The following HERC4 variants were observed in gnomAD, a reference collection of about 807,000 sequenced individuals.
HERC4 encodes probable E3 ubiquitin-protein ligase HERC4.
Under a neutral mutation model 124.3 loss-of-function variants are expected in HERC4, and 28 were observed. The observed-to-expected ratio is 0.23, with a 90% CI of 0.17 to 0.31. HERC4 has a LOEUF of 0.31. HERC4 is among the 10% of genes least tolerant of loss of function. The probability of loss-of-function intolerance (pLI) is 1.00; values close to 1 mark genes in which losing one functional copy is unlikely to be tolerated. For synonymous variants in HERC4, 407 were observed against 421.5 expected (o/e 0.97, Z 0.42); for missense variants, 713 against 1,229.3 (o/e 0.58, Z 6.28).
chr10:67,928,836 G>T (rs1342652250), intron 23 of HERC4, among the ~76,000 whole-genome samples: 2 of 151,974 alleles, frequency 1.3e-5, no homozygotes, highest in African/African-American at 4.8e-5. Flanking sequence ...CAGAAGAATC[G>T]CTTGAACTTG....
intron 15 of HERC4, among the ~76,000 whole-genome samples, chr10:67,980,181 G>T (rs970396907): frequency 6.6e-6 from 1 of 151,974 alleles, no homozygotes; most frequent in Non-Finnish European, 1.5e-5. Flanking sequence ...GCGCGATCTC[G>T]GCTCACCACA....
At chr10:67,979,802 C>G (rs951999350) in intron 15 of HERC4, among the ~76,000 whole-genome samples, 1 of 151,822 alleles carries the variant, frequency 6.6e-6, no homozygotes, top group African/African-American at 2.4e-5. Context: ...CCGGGTGTGG[C>G]GGCGGGCACC....
intron 9 of HERC4, among the ~76,000 whole-genome samples, chr10:68,006,248 T>C (rs2037543897): frequency 6.6e-6 from 1 of 152,210 alleles, no homozygotes; most frequent in South Asian, 2.1e-4. Context: ...GTGAGTTTTG[T>C]ACCTTTAGTT....
At chr10:67,940,916 T>C (rs1289578475) in intron 20 of HERC4, 23 bp downstream of exon 20, 8 of 1,600,624 alleles carry the variant, frequency 5.0e-6, no homozygotes, top group African/African-American at 4.0e-5. Context: ...CCTACTACTT[T>C]TTGACTTTTT....
chr10:67,990,060 G>T, intron 14 of HERC4, 151 bp downstream of exon 14: 1 of 577,192 alleles, frequency 1.7e-6, no homozygotes, highest in Non-Finnish European at 2.9e-6. Flanking sequence ...CAAAAGACTA[G>T]ACAAAAGCAA....
intron 19 of HERC4, among the ~76,000 whole-genome samples, chr10:67,945,388 T>C (rs1169103048): frequency 6.6e-6 from 1 of 152,086 alleles, no homozygotes; most frequent in Non-Finnish European, 1.5e-5. Context: ...CAAATAAAGA[T>C]CTTCCCAGAA....
intron 4 of HERC4, chr10:68,040,160 G>T: frequency 1.0e-6 from 1 of 980,594 alleles, no homozygotes; most frequent in Non-Finnish European, 1.2e-6. Context: ...CATAAAATTT[G>T]CCAAAAATTT....
At chr10:68,015,662 AAGC>A (rs1241821339) in intron 8 of HERC4, among the ~76,000 whole-genome samples, 2 of 152,214 alleles carry the variant, frequency 1.3e-5, no homozygotes, top group African/African-American at 4.8e-5. Flanking sequence ...CTCCCTCAGG[AAGC>A]AGCCATCTCA....
At chr10:67,995,888 A>T (rs2036844392) in intron 9 of HERC4, among the ~76,000 whole-genome samples, 1 of 152,000 alleles carries the variant, frequency 6.6e-6, no homozygotes, top group Admixed American at 6.6e-5. Flanking sequence ...TTCATGTGTC[A>T]AGTAATTTTC....
At chr10:68,050,890 T>G (rs887244664) in intron 3 of HERC4, among the ~76,000 whole-genome samples, 1 of 152,012 alleles carries the variant, frequency 6.6e-6, no homozygotes, top group Non-Finnish European at 1.5e-5. Flanking sequence ...AAAATTCACT[T>G]ACAAAGCCTG....
intron 16 of HERC4, chr10:67,965,664 A>G (rs1475923776): frequency 2.6e-5 from 4 of 152,230 alleles, no homozygotes; most frequent in African/African-American, 9.6e-5. Flanking sequence ...TACTAGACAT[A>G]TTCTAGACAC....
intron 15 of HERC4, among the ~76,000 whole-genome samples, chr10:67,983,874 A>C (rs1264766652): frequency 3.9e-5 from 6 of 151,950 alleles, no homozygotes; most frequent in Non-Finnish European, 8.8e-5. Context: ...GAAGCAGCAG[A>C]ATCGCTTGAA....
chr10:67,932,498 G>C (rs1284273932), intron 23 of HERC4, 99 bp downstream of exon 23: 2 of 988,550 alleles, frequency 2.0e-6, no homozygotes, highest in Non-Finnish European at 3.0e-6. Context: ...TAAAATGGTA[G>C]TAATAAAGTG....
At chr10:67,954,387 A>G in intron 19 of HERC4, 1 of 378,214 alleles carries the variant, frequency 2.6e-6, no homozygotes, top group Non-Finnish European at 4.7e-6. Context: ...CTCTTAATTT[A>G]TTTTGTTAAT....
At chr10:67,943,248 G>A (rs1044013994) in intron 19 of HERC4, among the ~76,000 whole-genome samples, 20 of 152,172 alleles carry the variant, frequency 1.3e-4, no homozygotes, top group Non-Finnish European at 2.9e-4. Context: ...CTTAAATAGA[G>A]CAGACTGATT....
chr10:67,956,971 T>G lies in HERC4; in HGVS notation c.1932A>C (p.Ala644=). The G allele has an allele frequency of 6.4e-7, 1 of 1,550,758 alleles. No homozygotes were observed. The highest frequency in any genetic ancestry group is 1.2e-5 in the South Asian group (1 of 80,904). Residue 644 remains alanine (A), a synonymous_variant, in exon 17 of 25, where the codon GCA becomes GCC. Coordinates refer to ENST00000373700, the MANE Select transcript of HERC4 (RefSeq NM_015601.4). ...WVQQQAYGML[A]DIPVTICTYP... ...ATGTACAGATTGTAACAGGGATATC[T>G]GCCAACTGGAAATAAAAAATTAACT...
At chr10:68,041,238 A>G (rs1206506838) in intron 4 of HERC4, among the ~76,000 whole-genome samples, 2 of 152,148 alleles carry the variant, frequency 1.3e-5, no homozygotes, top group Non-Finnish European at 2.9e-5. Context: ...CCAATTTTCT[A>G]TTTTCCAGTT....
Position 68,060,618 on chromosome 10 carries a change from T to C in HERC4, c.226+12265A>G, listed in dbSNP as rs139884964. 1.3e-4 allele frequency among the ~76,000 whole-genome samples: 20 copies of C among 152,290 alleles called. No homozygotes were observed. The East Asian group carries it at 2.7e-3, about 21-fold the overall frequency. ...TTATGTGTTTCTTCACCCTATACAA[T>C]GCAGTACCAACTTATAATGTGTTCT... On this transcript the variant is annotated intron_variant, in intron 3 of 24. Transcript: ENST00000373700.
At chr10:67,944,284 G>C (rs1276848012) in intron 19 of HERC4, among the ~76,000 whole-genome samples, 2 of 152,212 alleles carry the variant, frequency 1.3e-5, no homozygotes, top group Non-Finnish European at 2.9e-5. Flanking sequence ...TGAGGAAAGA[G>C]AATAAGAGTC....
Sources: gnomAD v4.1 joint callset for allele counts (sites outside exome capture counted in the v4.1 genomes callset) on GRCh38, gnomAD v4.1.1 for gene constraint, MANE v1.5 for transcripts, NCBI Gene and HGNC (gene_info 2026-07-23, HGNC 2026-07-21) for gene names.